CUX1: variants seen among roughly 807,000 people sequenced by gnomAD.
CUX1 encodes cut like homeobox 1.
A neutral mutation model predicts 158.8 loss-of-function variants in CUX1; 31 were observed. The ratio of observed to expected loss-of-function variants is 0.20; its 90% CI spans 0.15 to 0.26. The LOEUF is 0.26. CUX1 is among the 10% of genes least tolerant of loss of function. CUX1 has a pLI of 1.00. For synonymous variants in CUX1, 879 were observed against 862.1 expected, an observed-to-expected ratio of 1.02 and a Z score of -0.34; for missense variants, 1,589 against 2,014.6, an observed-to-expected ratio of 0.79 and a Z score of 4.04.
In CUX1 at chr7:102,257,250, T is replaced by G. The variant is rs1243521251; in HGVS notation, c.*8208T>G. 1 of 985,218 alleles carries G rather than the reference T, an allele frequency of 1.0e-6. No individual in the cohort carries two copies. Among genetic ancestry groups the G allele is most frequent in the African/African-American group, 1.7e-5 (1 of 57,204 alleles). 61.0% of individuals were successfully genotyped at this position (985,218 alleles called of 1,614,324 possible). On this transcript the variant is annotated 3_prime_UTR_variant, in exon 24 of 24. Transcript: ENST00000292535. ...AAGATTGCCGGGGGCCCTGATTTTG[T>G]TCTCTCTTTGAAAGAAACCCTCCAC... is the stretch of plus-strand genomic sequence containing the variant.
intron 3 of CUX1, among the ~76,000 whole-genome samples, chr7:102,063,377 C>CCTTTT (rs1440882368): frequency 7.0e-6 from 1 of 142,394 alleles, no homozygotes; most frequent in Admixed American, 7.8e-5. Flanking sequence ...TTAAGTATTT[C>CCTTTT]CTTTTCTTTT....
chr7:101,975,264 A>AG (rs2129202056), intron 2 of CUX1, among the ~76,000 whole-genome samples: 1 of 151,244 alleles, frequency 6.6e-6, no homozygotes, highest in Middle Eastern at 3.2e-3. Flanking sequence ...AGGAAAAAAA[A>AG]AGAGAGAGAG....
chr7:102,221,201 C>T (rs1797760411), intron 20 of CUX1, among the ~76,000 whole-genome samples: 4 of 152,258 alleles, frequency 2.6e-5, no homozygotes, highest in Admixed American at 2.6e-4. Flanking sequence ...GACCAGCCGC[C>T]AGTTAAATAA....
chr7:101,995,571 T>A (rs576236076), intron 2 of CUX1, among the ~76,000 whole-genome samples: 1 of 152,328 alleles, frequency 6.6e-6, no homozygotes, highest in Non-Finnish European at 1.5e-5. Flanking sequence ...GGTCACCAAA[T>A]AGAGAAGCAA....
intron 4 of CUX1, among the ~76,000 whole-genome samples, chr7:102,091,267 C>T (rs1828556220): frequency 6.6e-6 from 1 of 152,270 alleles, no homozygotes; most frequent in East Asian, 1.9e-4. Context: ...ATATGATAGC[C>T]ATTTACCATC....
chr7:102,254,853 TTGA>T lies in CUX1; in HGVS notation c.*5816_*5818del. 10 of 985,308 alleles carry T rather than the reference TTGA, an allele frequency of 1.0e-5. No individual in the cohort carries two copies. The highest frequency in any genetic ancestry group is 1.2e-5 in the Non-Finnish European group (10 of 829,946). The allele number at this position is 985,308 out of a possible 1,614,324, so 61.0% of individuals were successfully genotyped here. A position where few individuals can be genotyped will look rare whatever the true frequency, so the allele number is the denominator to read the frequency against. The stretch of plus-strand genomic sequence containing the variant: ...TCGAACGCTAAGAGAATGGTCCAAT[TTGA>T]TGATCTTATTTCTATTTCGATCAGG... On this transcript the variant is annotated 3_prime_UTR_variant, in exon 24 of 24. Transcript: ENST00000292535.
At chr7:102,260,785 A>T (rs1790351888), downstream of CUX1, among the ~76,000 whole-genome samples, 8 of 152,098 alleles carry the variant, frequency 5.3e-5, no homozygotes, top group Admixed American at 5.2e-4. Context: ...GCGCGACGTG[A>T]TGATGAGATA....
chr7:102,098,533 C>G (rs1381014173), intron 5 of CUX1, among the ~76,000 whole-genome samples: 3 of 152,116 alleles, frequency 2.0e-5, no homozygotes, highest in Non-Finnish European at 4.4e-5. Context: ...ATCGCTTGAA[C>G]CCAGGAGGTC....
chr7:102,132,487 G>T (rs1249187365), intron 8 of CUX1, among the ~76,000 whole-genome samples: 1 of 151,256 alleles, frequency 6.6e-6, no homozygotes, highest in East Asian at 2.0e-4. Flanking sequence ...CCTATAGTCA[G>T]CCCCCTTCTG....
rs202109738 is a variant in CUX1, at chr7:102,216,724, GCA to G, written c.3131-10638_3131-10637del. On this transcript the variant is annotated intron_variant, in intron 20 of 23. Coordinates refer to ENST00000292535, the MANE Select transcript of CUX1 (RefSeq NM_181552.4). Reference sequence around the variant, plus strand: ...CCACACGCACTCTCCACACACACATGCACACAGAGTCCCACACACACTTCTGC... The same window carrying G: ...CCACACGCACTCTCCACACACACATGCACAGAGTCCCACACACACTTCTGC... Among the ~76,000 whole-genome samples, 770 of 102,628 alleles carry G rather than the reference GCA, an allele frequency of 7.5e-3. 5 individuals carry two copies. The highest frequency in any genetic ancestry group is 0.016 in the African/African-American group (394 of 24,630). 67.3% of individuals were successfully genotyped at this position (102,628 alleles called of 152,430 possible). A position where few individuals can be genotyped will look rare whatever the true frequency, so the allele number is the denominator to read the frequency against.
In CUX1 at chr7:102,170,570, T is replaced by C. The variant is rs1554510140; in HGVS notation, c.828+20T>C. The C allele has an allele frequency of 6.5e-7, 1 of 1,537,894 alleles. No individual in the cohort carries two copies. On this transcript the variant is annotated intron_variant, in intron 10 of 23. Coordinates refer to ENST00000292535, the MANE Select transcript of CUX1 (RefSeq NM_181552.4). ...GACGTGGTGGGTAGCCCCGGCCCCGTGGGGGACTGTCCCCGCCTGGCCTCC... is the reference window on the plus strand; with the variant it reads ...GACGTGGTGGGTAGCCCCGGCCCCGCGGGGGACTGTCCCCGCCTGGCCTCC...
At chr7:102,008,816 G>T (rs1342246914) in intron 2 of CUX1, among the ~76,000 whole-genome samples, 1 of 152,156 alleles carries the variant, frequency 6.6e-6, no homozygotes, top group Non-Finnish European at 1.5e-5. Context: ...GCACAGTCAT[G>T]GTGAATCCTG....
intron 8 of CUX1, among the ~76,000 whole-genome samples, chr7:102,115,821 G>A (rs984686613): frequency 3.3e-5 from 5 of 151,940 alleles, no homozygotes; most frequent in East Asian, 1.9e-4. Context: ...CTTTTTACCC[G>A]CCCATCTTTC....
At chr7:102,128,666 T>C (rs1199556766) in intron 8 of CUX1, among the ~76,000 whole-genome samples, 15 of 151,956 alleles carry the variant, frequency 9.9e-5, no homozygotes, top group African/African-American at 3.6e-4. Context: ...GAGGTTTCCT[T>C]ACTCAGACCT....
intron 1 of CUX1, among the ~76,000 whole-genome samples, chr7:101,891,579 G>A (rs937280744): frequency 7.2e-5 from 11 of 152,188 alleles, no homozygotes; most frequent in African/African-American, 2.7e-4. Flanking sequence ...GACCTGCATG[G>A]GGTGCTGTGG....
At chr7:101,862,224 G>A (rs1797532785) in intron 1 of CUX1, among the ~76,000 whole-genome samples, 1 of 151,728 alleles carries the variant, frequency 6.6e-6, no homozygotes, top group Non-Finnish European at 1.5e-5. Flanking sequence ...AGAAACTCAA[G>A]AAACATCTAT....
intron 2 of CUX1, among the ~76,000 whole-genome samples, chr7:101,929,042 G>T (rs925647529): frequency 2.6e-5 from 4 of 152,012 alleles, no homozygotes; most frequent in African/African-American, 9.7e-5. Flanking sequence ...ACTTTGGGAG[G>T]CTGAGGCTGG....
At chr7:102,186,304 A>G (rs1318571121) in intron 11 of CUX1, among the ~76,000 whole-genome samples, 2 of 152,132 alleles carry the variant, frequency 1.3e-5, no homozygotes, top group Non-Finnish European at 2.9e-5. Context: ...AAGCGTCGCC[A>G]AGCAGCCTCC....
chr7:101,837,299 T>C (rs115409782), intron 1 of CUX1, among the ~76,000 whole-genome samples: 2 of 152,226 alleles, frequency 1.3e-5, no homozygotes, highest in Non-Finnish European at 2.9e-5. Flanking sequence ...ATGGTTAATA[T>C]TCACTAAAGT....
Sources: gnomAD v4.1 joint callset for allele counts (sites outside exome capture counted in the v4.1 genomes callset) on GRCh38, gnomAD v4.1.1 for gene constraint, MANE v1.5 for transcripts, NCBI Gene and HGNC (gene_info 2026-07-23, HGNC 2026-07-21) for gene names.